The following ARHGEF3 variants were observed in gnomAD, a reference collection of about 807,000 sequenced individuals.
The protein encoded by ARHGEF3 is 59.8 kDA protein.
In ARHGEF3, 28 loss-of-function variants were observed where a neutral mutation model predicts 63.2. That is an observed-to-expected ratio of 0.44 (90% CI 0.33 to 0.61). The LOEUF (loss-of-function observed/expected upper bound fraction) is 0.61. ARHGEF3 is among the 20% of genes least tolerant of loss of function. The probability of loss-of-function intolerance (pLI) is 0.03; values close to 1 mark genes in which losing one functional copy is unlikely to be tolerated. For synonymous variants in ARHGEF3, 266 were observed against 254.2 expected (o/e 1.05, Z -0.44); for missense variants, 533 against 659.3 (o/e 0.81, Z 2.10).
At chr3:56,751,538 A>G in intron 4 of ARHGEF3, 142 bp from the exon 5 acceptor site, 1 of 680,194 alleles carries the variant, frequency 1.5e-6, no homozygotes, top group East Asian at 2.8e-5. Context: ...CTGCAGAAAC[A>G]GCAGAGAGGT....
At chr3:56,730,390 T>C (rs1369045260) in intron 9 of ARHGEF3, among the ~76,000 whole-genome samples, 2 of 87,628 alleles carry the variant, frequency 2.3e-5, no homozygotes, top group Admixed American at 1.9e-4. Context: ...TATTTAATCT[T>C]TTTTTTTTTT....
At chr3:56,911,668 G>A (rs2041856045) in intron 3 of ARHGEF3, among the ~76,000 whole-genome samples, 1 of 152,008 alleles carries the variant, frequency 6.6e-6, no homozygotes, top group South Asian at 2.1e-4. Context: ...TAAAAACATG[G>A]CTAGAATAGT....
At chr3:56,871,672 T>C (rs2040433997) in intron 4 of ARHGEF3, among the ~76,000 whole-genome samples, 2 of 152,166 alleles carry the variant, frequency 1.3e-5, no homozygotes, top group South Asian at 2.1e-4. Flanking sequence ...ATTCTTATAT[T>C]TTTTGCAGTC....
chr3:56,959,525 T>C (rs1351643983), intron 2 of ARHGEF3, among the ~76,000 whole-genome samples: 1 of 152,210 alleles, frequency 6.6e-6, no homozygotes, highest in Non-Finnish European at 1.5e-5. Context: ...TAGCTGCCAA[T>C]ATAACTACAG....
intron 1 of ARHGEF3, among the ~76,000 whole-genome samples, chr3:57,051,051 T>C (rs1252233752): frequency 1.3e-5 from 2 of 152,144 alleles, no homozygotes; most frequent in East Asian, 1.9e-4. Flanking sequence ...AGAAAGGTAG[T>C]ATGGAGTATG....
rs1702511517 is a variant in ARHGEF3 at position 57,007,432 on chromosome 3, G to A, written c.62+27656C>T. 8 of 1,196,168 alleles carry A rather than the reference G, an allele frequency of 6.7e-6. No homozygotes were observed. In the South Asian group the frequency reaches 9.5e-5, roughly 14 times the overall value. 74.1% of individuals were successfully genotyped at this position (1,196,168 alleles called of 1,614,324 possible). A position where few individuals can be genotyped will look rare whatever the true frequency, so the allele number is the denominator to read the frequency against. ...TTTGTTTATTCCAAAATCAGGCTTG[G>A]AAAGTGAGAATTTGGTCTTCCAGGT... On this transcript the variant is annotated intron_variant, in intron 2 of 12. Coordinates refer to the ARHGEF3 transcript ENST00000338458.
chr3:56,745,077 C>T, intron 7 of ARHGEF3, 128 bp downstream of exon 7: 3 of 1,215,716 alleles, frequency 2.5e-6, no homozygotes, highest in Non-Finnish European at 3.4e-6. Flanking sequence ...GATGGCAGTG[C>T]CAGGCCTGGA....
At chr3:56,965,033 G>T (rs527577166) in intron 2 of ARHGEF3, among the ~76,000 whole-genome samples, 1 of 152,102 alleles carries the variant, frequency 6.6e-6, no homozygotes, top group Admixed American at 6.6e-5. Context: ...AAGGAGGATC[G>T]CTTGAGGCCA....
chr3:56,933,848 CA>C (rs1234229107), intron 3 of ARHGEF3, among the ~76,000 whole-genome samples: 2 of 152,194 alleles, frequency 1.3e-5, no homozygotes, highest in African/African-American at 4.8e-5. Flanking sequence ...CCCACATGTA[CA>C]GAAAGGGTCT....
chr3:56,789,955 G>A (rs1430814760), intron 1 of ARHGEF3, among the ~76,000 whole-genome samples: 3 of 152,196 alleles, frequency 2.0e-5, no homozygotes, highest in Non-Finnish European at 2.9e-5. Flanking sequence ...AAAAGGGAAA[G>A]TGATTAAATT....
chr3:56,841,664 C>A (rs2039313015), intron 4 of ARHGEF3, among the ~76,000 whole-genome samples: 1 of 152,144 alleles, frequency 6.6e-6, no homozygotes, highest in Non-Finnish European at 1.5e-5. Context: ...TAGAAAAATT[C>A]TTGGGTGTGA....
intron 2 of ARHGEF3, among the ~76,000 whole-genome samples, chr3:57,034,528 T>C (rs1340492771): frequency 6.6e-6 from 1 of 152,052 alleles, no homozygotes; most frequent in Non-Finnish European, 1.5e-5. Context: ...AACTCTTCCT[T>C]CTAAGTCTTA....
chr3:57,047,403 A>G (rs1318120837), intron 1 of ARHGEF3, among the ~76,000 whole-genome samples: 2 of 151,692 alleles, frequency 1.3e-5, no homozygotes, highest in Non-Finnish European at 2.9e-5. Flanking sequence ...CTCAAAAACA[A>G]CAACAACAAC....
At chr3:56,994,362 G>A (rs988304723) in intron 2 of ARHGEF3, among the ~76,000 whole-genome samples, 33 of 152,304 alleles carry the variant, frequency 2.2e-4, no homozygotes, top group African/African-American at 7.2e-4. Flanking sequence ...ATCAGGCACT[G>A]TGTTGGGCAC....
At chr3:57,070,777 A>G (rs1476238134) in intron 1 of ARHGEF3, among the ~76,000 whole-genome samples, 1 of 151,976 alleles carries the variant, frequency 6.6e-6, no homozygotes, top group African/African-American at 2.4e-5. Flanking sequence ...TGGGTAACAC[A>G]GCCAGACCCA....
At chr3:57,051,348 G>A (rs986056960) in intron 1 of ARHGEF3, among the ~76,000 whole-genome samples, 6 of 152,008 alleles carry the variant, frequency 3.9e-5, no homozygotes, top group Non-Finnish European at 7.4e-5. Flanking sequence ...TTAGCCAGGT[G>A]TGGTGGTGCA....
At chr3:56,784,435 C>T (rs1484939765) in intron 1 of ARHGEF3, among the ~76,000 whole-genome samples, 1 of 152,158 alleles carries the variant, frequency 6.6e-6, no homozygotes, top group South Asian at 2.1e-4. Flanking sequence ...CTCCTGGTCA[C>T]ACAACGAGGC....
At chr3:56,921,131 G>C (rs1228636827) in intron 3 of ARHGEF3, among the ~76,000 whole-genome samples, 1 of 148,516 alleles carries the variant, frequency 6.7e-6, no homozygotes, top group Non-Finnish European at 1.5e-5. Flanking sequence ...TAGGGAGGCA[G>C]AGACATGAGG....
intron 4 of ARHGEF3, among the ~76,000 whole-genome samples, chr3:56,835,687 G>A (rs1397578595): frequency 6.6e-6 from 1 of 152,088 alleles, no homozygotes; most frequent in Admixed American, 6.6e-5. Flanking sequence ...TAACTATTTA[G>A]CTTTAGCAGA....
Sources: gnomAD v4.1 joint callset for allele counts (sites outside exome capture counted in the v4.1 genomes callset) on GRCh38, gnomAD v4.1.1 for gene constraint, MANE v1.5 for transcripts, NCBI Gene and HGNC (gene_info 2026-07-23, HGNC 2026-07-21) for gene names.